Variants in TMEM266 observed in about 807,000 individuals in gnomAD.
The protein encoded by TMEM266 is Hv1 related protein 1.
A neutral mutation model predicts 50.5 loss-of-function variants in TMEM266; 33 were observed. The observed-to-expected ratio is 0.65, with a 90% confidence interval of 0.50 to 0.87. TMEM266 has a LOEUF of 0.87. TMEM266 is among the 40% of genes least tolerant of loss of function. The pLI is 0.00. For missense variants in TMEM266, 655 were observed against 695.1 expected (o/e 0.94, Z 0.65); for synonymous variants, 310 against 292.3 (o/e 1.06, Z -0.62).
At chr15:76,086,932 G>GGA (rs1555445655) in intron 1 of TMEM266, among the ~76,000 whole-genome samples, 4 of 146,750 alleles carry the variant, frequency 2.7e-5, no homozygotes, top group African/African-American at 7.9e-5. Context: ...GCAGGTCGGG[G>GGA]GGGGGGCGGT....
chr15:76,133,757 A>G (rs997677033), intron 1 of TMEM266, among the ~76,000 whole-genome samples: 3 of 152,226 alleles, frequency 2.0e-5, no homozygotes, highest in African/African-American at 7.2e-5. Flanking sequence ...CTGGAAGGGA[A>G]AGGGAAGTGG....
chr15:76,101,105 T>C (rs1348057552), intron 1 of TMEM266, among the ~76,000 whole-genome samples: 3 of 152,140 alleles, frequency 2.0e-5, no homozygotes, highest in African/African-American at 7.2e-5. Context: ...AGATTCTTTT[T>C]GGATGTTAGT....
chr15:76,199,367 G>A (rs1002738568), intron 9 of TMEM266, among the ~76,000 whole-genome samples: 1 of 152,232 alleles, frequency 6.6e-6, no homozygotes, highest in South Asian at 2.1e-4. Context: ...AAAGGAGAAC[G>A]ATCTAATACC....
In TMEM266 at chr15:76,132,925, A is replaced by G. The variant is rs560362410; in HGVS notation, c.-96-1243A>G. Among the ~76,000 whole-genome samples the G allele has an allele frequency of 4.5e-4, 68 of 151,068 alleles. 1 individual carries two copies. The highest frequency in any genetic ancestry group is 1.7e-3 in the South Asian group (8 of 4,766). ...TGAGGTAGGTTGATCACTTGAGCTC[A>G]GGAGTTTGAGACCAGCCTGGGCAAC... On this transcript the variant is annotated intron_variant, in intron 1 of 10. Transcript: ENST00000388942.
intron 5 of TMEM266, among the ~76,000 whole-genome samples, chr15:76,169,555 T>C (rs2038154814): frequency 6.6e-6 from 1 of 152,112 alleles, no homozygotes; most frequent in Admixed American, 6.5e-5. Context: ...GCATCAGCAG[T>C]GCCCAGGGGA....
At chr15:76,129,785 G>A (rs1009060025) in intron 1 of TMEM266, among the ~76,000 whole-genome samples, 7 of 152,092 alleles carry the variant, frequency 4.6e-5, no homozygotes, top group Non-Finnish European at 1.0e-4. Flanking sequence ...GGTAGAGGAA[G>A]GGGAAACCTG....
intron 1 of TMEM266, among the ~76,000 whole-genome samples, chr15:76,063,559 C>T (rs1218087912): frequency 3.9e-5 from 6 of 152,146 alleles, no homozygotes; most frequent in Non-Finnish European, 1.5e-5. Flanking sequence ...CCAACCACTC[C>T]TTTAAAACTA....
In TMEM266 at chr15:76,153,211, G is replaced by A. The variant is rs2037871004; in HGVS notation, c.228-3393G>A. Among the ~76,000 whole-genome samples, 1 of 152,132 alleles carries A rather than the reference G, an allele frequency of 6.6e-6. No homozygotes were observed. The highest frequency in any genetic ancestry group is 6.5e-5 in the Admixed American group (1 of 15,286). On this transcript the variant is annotated intron_variant, in intron 3 of 10. Transcript: ENST00000388942. This position sits in a 1 kb window ranked among gnomAD's most constrained non-coding sequence, Gnocchi z 4.2. ...TTTTCCTCCCTTGGAGGCAGGTCAA[G>A]GTCTGAGTCTCCTGTTGATAGGGAA...
intron 9 of TMEM266, among the ~76,000 whole-genome samples, chr15:76,196,599 C>A (rs755131958): frequency 1.3e-5 from 2 of 151,284 alleles, no homozygotes; most frequent in Non-Finnish European, 3.0e-5. Flanking sequence ...TTCAGGCCAG[C>A]GAGGCTCTGA....
chr15:76,187,157 T>C (rs1432086150), intron 8 of TMEM266, among the ~76,000 whole-genome samples: 3 of 152,080 alleles, frequency 2.0e-5, no homozygotes, highest in African/African-American at 7.2e-5. Context: ...AATGAATGAA[T>C]GAATGTGAGA....
At chr15:76,189,673 C>A (rs1038732045) in intron 8 of TMEM266, among the ~76,000 whole-genome samples, 1 of 152,176 alleles carries the variant, frequency 6.6e-6, no homozygotes, top group East Asian at 1.9e-4. Context: ...TCCCAAGACA[C>A]CCTCCCAAAT....
chr15:76,153,764 G>A lies in TMEM266; in HGVS notation c.228-2840G>A, dbSNP rs2037879384. 6.6e-6 allele frequency among the ~76,000 whole-genome samples: 1 copy of A among 152,186 alleles called. No individual in the cohort carries two copies. The highest frequency in any genetic ancestry group is 1.5e-5 in the Non-Finnish European group (1 of 68,030). ...CATCGTGGGAAAAGAAGCAGGGGGA[G>A]TAGGTGAGGCCGGAAGGAAGAATCA... On this transcript the variant is annotated intron_variant, in intron 3 of 10. Coordinates refer to ENST00000388942, the MANE Select transcript of TMEM266 (RefSeq NM_152335.3). This position sits in a 1 kb window ranked among gnomAD's most constrained non-coding sequence, Gnocchi z 4.2.
intron 1 of TMEM266, among the ~76,000 whole-genome samples, chr15:76,133,373 T>C (rs2037543003): frequency 6.6e-6 from 1 of 151,344 alleles, no homozygotes; most frequent in African/African-American, 2.4e-5. Context: ...GGAGGCGAGG[T>C]TGCAGTGAGC....
At chr15:76,202,130 G>T in intron 9 of TMEM266, 72 bp from the exon 10 acceptor site, 1 of 1,299,448 alleles carries the variant, frequency 7.7e-7, no homozygotes, top group Non-Finnish European at 1.1e-6. Context: ...TGACCGTGGG[G>T]GTGGGGACAG....
At chr15:76,117,209 G>A (rs1480006067) in intron 1 of TMEM266, among the ~76,000 whole-genome samples, 2 of 151,936 alleles carry the variant, frequency 1.3e-5, no homozygotes, top group Non-Finnish European at 2.9e-5. Flanking sequence ...GAATCCATCA[G>A]GGTCTTACAC....
Position 76,156,583 on chromosome 15 carries a change from TC to T in TMEM266, c.228-17del, listed in dbSNP as rs753613868. On this transcript the variant is annotated intron_variant, in intron 3 of 10. Transcript: ENST00000388942. Reference sequence around the variant, plus strand: ...CCCCTCCCACTCTGAGCCTCTCTTCTCCCCACTTTTGTCCCCACAGGTCTAA... The same window carrying T: ...CCCCTCCCACTCTGAGCCTCTCTTCTCCCACTTTTGTCCCCACAGGTCTAA... 1 of 1,612,544 alleles carries T rather than the reference TC, an allele frequency of 6.2e-7. No individual in the cohort carries two copies. The highest frequency in any genetic ancestry group is 8.5e-7 in the Non-Finnish European group (1 of 1,179,690).
intron 10 of TMEM266, among the ~76,000 whole-genome samples, chr15:76,203,425 C>T (rs1258754171): frequency 6.6e-6 from 1 of 152,238 alleles, no homozygotes; most frequent in Non-Finnish European, 1.5e-5. Flanking sequence ...TATCCTAGAA[C>T]ATTTGCCAGG....
At chr15:76,172,512 C>A (rs1475835819) in intron 7 of TMEM266, among the ~76,000 whole-genome samples, 1 of 152,240 alleles carries the variant, frequency 6.6e-6, no homozygotes, top group Non-Finnish European at 1.5e-5. Flanking sequence ...TCTCCCTGGG[C>A]CTCACCCTAT....
At chr15:76,165,868 G>A (rs1418441690) in intron 5 of TMEM266, among the ~76,000 whole-genome samples, 2 of 152,148 alleles carry the variant, frequency 1.3e-5, no homozygotes, top group Non-Finnish European at 2.9e-5. Flanking sequence ...ATTGCTTGTG[G>A]GCCTGTGGTC....
Sources: allele counts gnomAD v4.1 joint callset (sites outside exome capture counted in the v4.1 genomes callset), GRCh38; gene constraint gnomAD v4.1.1; non-coding constraint Gnocchi (gnomAD v3.1); transcripts MANE v1.5; gene names NCBI Gene and HGNC (gene_info 2026-07-23, HGNC 2026-07-21).